The following RGS6 variants were observed in gnomAD, a reference collection of about 807,000 sequenced individuals.
RGS6 encodes regulator of G protein signaling 6.
A neutral mutation model predicts 78.5 loss-of-function variants in RGS6; 30 were observed. The observed-to-expected ratio is 0.38, with a 90% CI of 0.29 to 0.52. The LOEUF is 0.52. Ranked by LOEUF, RGS6 falls within the 20% of genes least tolerant of loss-of-function variation. The pLI is 0.85. For missense variants in RGS6, 495 were observed against 609.7 expected (o/e 0.81, Z 1.98); for synonymous variants, 206 against 206.0 (o/e 1.00, Z 0.00).
At chr14:71,926,228 C>T in the RGS6 span, among the ~76,000 whole-genome samples, 1 of 152,090 alleles carries the variant, frequency 6.6e-6, no homozygotes, top group Admixed American at 6.5e-5. Flanking sequence ...AGAAAAAAAG[C>T]AAAGTTGGAG....
chr14:72,529,680 G>A (rs1206637826), intron 15 of RGS6, among the ~76,000 whole-genome samples: 2 of 152,088 alleles, frequency 1.3e-5, no homozygotes, highest in Non-Finnish European at 2.9e-5. Context: ...ACAGAATTAG[G>A]AGACATATTT....
At chr14:72,587,845 G>T in the RGS6 span, among the ~76,000 whole-genome samples, 1 of 152,204 alleles carries the variant, frequency 6.6e-6, no homozygotes, top group Non-Finnish European at 1.5e-5. Flanking sequence ...GGCCCTGCTT[G>T]GCCACAGAGA....
rs115621054 is a variant in RGS6, at chr14:72,448,749, C to T, written c.185-5779C>T. Among the ~76,000 whole-genome samples the T allele has an allele frequency of 3.5e-3, 537 of 152,058 alleles. 3 individuals carry two copies. The highest frequency in any genetic ancestry group is 0.012 in the African/African-American group (512 of 41,460). ...AAAAAACTGAATACATACAGAATAT[C>T]GGTTTTCTAATTGTTTTTTCTTTAT... On this transcript the variant is annotated intron_variant, in intron 3 of 17. Transcript: ENST00000553525.
intron 2 of RGS6, among the ~76,000 whole-genome samples, chr14:72,026,740 C>T (rs1163481673): frequency 1.3e-5 from 2 of 152,222 alleles, no homozygotes; most frequent in Admixed American, 1.3e-4. Flanking sequence ...GCATAGCTCT[C>T]TTCTGTGATG....
At chr14:72,410,165 T>A (rs2093297667) in intron 3 of RGS6, among the ~76,000 whole-genome samples, 2 of 152,228 alleles carry the variant, frequency 1.3e-5, no homozygotes, top group South Asian at 4.1e-4. Context: ...GTTGAACTAG[T>A]TTACAGTCCC....
At chr14:72,090,112 C>CAAAA (rs760072084) in intron 2 of RGS6, among the ~76,000 whole-genome samples, 3 of 44,386 alleles carry the variant, frequency 6.8e-5, no homozygotes, top group Non-Finnish European at 1.1e-4. Flanking sequence ...GACTCCATCT[C>CAAAA]AAAAAAAAAA....
intron 2 of RGS6, among the ~76,000 whole-genome samples, chr14:72,147,904 G>T (rs766615663): frequency 6.6e-5 from 10 of 152,082 alleles, no homozygotes; most frequent in Non-Finnish European, 1.2e-4. Flanking sequence ...GGCCAAGGCG[G>T]GCAGATCACG....
At chr14:72,211,332 T>G (rs115558958) in intron 2 of RGS6, among the ~76,000 whole-genome samples, 1 of 152,158 alleles carries the variant, frequency 6.6e-6, no homozygotes, top group South Asian at 2.1e-4. Context: ...GTCTTGAATT[T>G]AGAGACTTGA....
the RGS6 span, among the ~76,000 whole-genome samples, chr14:71,882,338 G>A: frequency 4.6e-5 from 7 of 152,264 alleles, no homozygotes; most frequent in Admixed American, 3.9e-4. Context: ...ATCGCATTTG[G>A]TTTATCCATT....
chr14:72,540,569 G>A lies in RGS6; in HGVS notation c.1422+475G>A, dbSNP rs763095933. On this transcript the variant is annotated intron_variant, in intron 17 of 17. Transcript: ENST00000553525. ...GTGTGGGTCGCGAGCTAATGTTGCT[G>A]TGTAGGCGGCTTTTGCTGTGTGCAG... 16 of 1,541,306 alleles carry A rather than the reference G, an allele frequency of 1.0e-5. 1 individual carries two copies. The South Asian group carries it at 1.7e-4, about 16-fold the overall frequency.
intron 2 of RGS6, among the ~76,000 whole-genome samples, chr14:72,120,865 G>GC (rs2096032312): frequency 6.6e-6 from 1 of 152,298 alleles, no homozygotes; most frequent in South Asian, 2.1e-4. Context: ...ATCTTATTTT[G>GC]CGGGATGGTT....
At chr14:72,125,451 C>A (rs1221409167) in intron 2 of RGS6, among the ~76,000 whole-genome samples, 5 of 152,142 alleles carry the variant, frequency 3.3e-5, no homozygotes, top group Non-Finnish European at 7.3e-5. Context: ...GAACTGATAA[C>A]CCAACCAGGC....
chr14:71,984,475 T>C (rs1365887596), intron 2 of RGS6, among the ~76,000 whole-genome samples: 1 of 4,360 alleles, frequency 2.3e-4, no homozygotes, highest in Non-Finnish European at 3.6e-4. Flanking sequence ...TGAGACCCTG[T>C]CTCAAAAAGA....
At chr14:72,269,603 G>C (rs1220186606) in intron 2 of RGS6, among the ~76,000 whole-genome samples, 4 of 125,948 alleles carry the variant, frequency 3.2e-5, no homozygotes, top group Admixed American at 9.5e-5. Flanking sequence ...TTGAGACAGA[G>C]TCTCTCTCTG....
rs138832577 is a variant in RGS6 at position 72,387,422 on chromosome 14, G to A, written c.184+35228G>A. Among the ~76,000 whole-genome samples, 1,162 of 152,100 alleles carry A rather than the reference G, an allele frequency of 7.6e-3. 8 individuals are homozygous for A. Among genetic ancestry groups the A allele is most frequent in the Non-Finnish European group, 0.012 (799 of 67,990 alleles). Reference sequence around the variant, plus strand: ...AAATTAGCCAGGTATGGTGGCGGGCGCCTGTAGTCCCAGCTACCTGGGAGG... The same window carrying A: ...AAATTAGCCAGGTATGGTGGCGGGCACCTGTAGTCCCAGCTACCTGGGAGG... On this transcript the variant is annotated intron_variant, in intron 3 of 17. Transcript: ENST00000553525.
chr14:71,910,690 A>C, the RGS6 span, among the ~76,000 whole-genome samples: 1 of 152,218 alleles, frequency 6.6e-6, no homozygotes, highest in African/African-American at 2.4e-5. Context: ...AGAGGGGCAG[A>C]TTTGAGAGGT....
intron 2 of RGS6, among the ~76,000 whole-genome samples, chr14:72,021,172 C>T (rs578004064): frequency 1.7e-4 from 26 of 152,254 alleles, no homozygotes; most frequent in South Asian, 8.3e-4. Context: ...AATGGCCAGA[C>T]GTCTTTGTCC....
intron 2 of RGS6, among the ~76,000 whole-genome samples, chr14:71,965,372 G>A (rs1008443690): frequency 6.6e-6 from 1 of 152,180 alleles, no homozygotes; most frequent in Non-Finnish European, 1.5e-5. Flanking sequence ...AGAGGAGGAG[G>A]CCAGTTCTCC....
At chr14:72,523,121 A>C (rs1341050086) in intron 15 of RGS6, among the ~76,000 whole-genome samples, 1 of 152,232 alleles carries the variant, frequency 6.6e-6, no homozygotes, top group Non-Finnish European at 1.5e-5. Flanking sequence ...AAAGGAGGTT[A>C]AAATCCTCAG....
Sources: allele counts gnomAD v4.1 joint callset (sites outside exome capture counted in the v4.1 genomes callset), GRCh38; gene constraint gnomAD v4.1.1; transcripts MANE v1.5; gene names NCBI Gene and HGNC (gene_info 2026-07-23, HGNC 2026-07-21).